Variants in SI observed in about 807,000 individuals in gnomAD.
SI encodes sucrase-isomaltase, also known as sucrase-isomaltase, intestinal.
Under a neutral mutation model 253.3 loss-of-function variants are expected in SI, and 235 were observed. The ratio of observed to expected loss-of-function variants is 0.93; its 90% CI spans 0.83 to 1.03. The LOEUF (loss-of-function observed/expected upper bound fraction) is 1.03. Ranked by LOEUF, SI falls within the 50% of genes least tolerant of loss-of-function variation. SI has a pLI of 0.00. For missense variants in SI, 2,442 were observed against 2,211.1 expected (o/e 1.10, Z -2.09); for synonymous variants, 819 against 712.0 (o/e 1.15, Z -2.39).
At chr3:165,048,722 A>G (rs886400885) in intron 15 of SI, among the ~76,000 whole-genome samples, 1 of 151,690 alleles carries the variant, frequency 6.6e-6, no homozygotes, top group African/African-American at 2.4e-5. Context: ...GGTTCAAACT[A>G]TTCTTCTGCC....
Position 165,075,898 on chromosome 3 carries a change from C to A in SI, c.115G>T (p.Asp39Tyr). 1 of 1,533,666 alleles carries A rather than the reference C, an allele frequency of 6.5e-7. No homozygotes were observed. Among genetic ancestry groups the A allele is most frequent in the Non-Finnish European group, 9.0e-7 (1 of 1,108,040 alleles). ...VVLATKTPAV[D>Y]EISDSTSTPA... The stretch of plus-strand genomic sequence containing the variant: ...ATGCTTTTAATGTACTACTTACCAT[C>A]AACAGCAGGTGTCTTAGTTGCTAAA... The change falls in exon 2 of 48, where the codon GAT becomes TAT. Residue 39 changes from aspartate to tyrosine, a missense_variant. Transcript: ENST00000264382.
chr3:164,987,271 CA>C, intron 44 of SI, 45 bp from the exon 45 acceptor site: 1 of 1,475,960 alleles, frequency 6.8e-7, no homozygotes, highest in Non-Finnish European at 9.5e-7. Flanking sequence ...TGTAGAATAG[CA>C]TATGTCTAGT....
At chr3:164,992,428 A>G in intron 41 of SI, 31 bp from the exon 42 acceptor site, 1 of 1,400,114 alleles carries the variant, frequency 7.1e-7, no homozygotes, top group East Asian at 2.3e-5. Flanking sequence ...TAATTAAATT[A>G]AAACAAATAA....
rs201151548 is a variant in SI, at chr3:165,006,968, A to G, written c.4268-14T>C. 711 of 1,560,306 alleles carry G rather than the reference A, an allele frequency of 4.6e-4. 4 individuals are homozygous for G. The East Asian group carries it at 0.015, about 34-fold the overall frequency. On this transcript the variant is annotated splice_polypyrimidine_tract_variant and intron_variant, in intron 36 of 47. Coordinates refer to ENST00000264382, the MANE Select transcript of SI (RefSeq NM_001041.4). ...TTTTTGTGAGTTCTGGAAAGAATCA[A>G]TGAAAAAATATTAATATATTATACA... is the stretch of plus-strand genomic sequence containing the variant.
rs112446029 is a variant in SI, at chr3:165,023,446, A to G, written c.3099+124T>C. The G allele has an allele frequency of 1.5e-3, 1,116 of 739,332 alleles. 10 individuals are homozygous for G. In the African/African-American group the frequency reaches 0.018, roughly 12 times the overall value. The allele number at this position is 739,332 out of a possible 1,614,324, so 45.8% of individuals were successfully genotyped here. ...TTGTGTAGGAAAAAATATTTTTATAAAATCAAAATATTATCAAATCTGTTA... is the reference window on the plus strand; with the variant it reads ...TTGTGTAGGAAAAAATATTTTTATAGAATCAAAATATTATCAAATCTGTTA... On this transcript the variant is annotated intron_variant, in intron 26 of 47. Transcript: ENST00000264382.
intron 36 of SI, among the ~76,000 whole-genome samples, chr3:165,007,208 T>C (rs1361285770): frequency 2.0e-5 from 3 of 152,228 alleles, no homozygotes; most frequent in East Asian, 3.9e-4. Flanking sequence ...TTCTAGTGCA[T>C]TTAGATGGAA....
At chr3:165,064,861 C>A (rs886168350) in intron 7 of SI, among the ~76,000 whole-genome samples, 3 of 151,890 alleles carry the variant, frequency 2.0e-5, no homozygotes, top group Admixed American at 2.0e-4. Flanking sequence ...GTAAGAAGGA[C>A]AGAGATGCGT....
chr3:164,999,397 T>G (rs2108140764), intron 37 of SI, among the ~76,000 whole-genome samples: 1 of 151,822 alleles, frequency 6.6e-6, no homozygotes, highest in Non-Finnish European at 1.5e-5. Context: ...TCCCTCTGCC[T>G]TTCTCTCTGA....
the SI span, among the ~76,000 whole-genome samples, chr3:165,084,751 T>G: frequency 2.0e-5 from 3 of 152,176 alleles, no homozygotes; most frequent in Admixed American, 1.3e-4. Context: ...GTGAAATATT[T>G]GTTCACATAT....
At chr3:165,023,423 G>A (rs983985563) in intron 26 of SI, 147 bp downstream of exon 26, 25 of 631,910 alleles carry the variant, frequency 4.0e-5, no homozygotes, top group Non-Finnish European at 6.1e-5. Flanking sequence ...GCTATGAGTT[G>A]TGTAGGAAAA....
intron 25 of SI, among the ~76,000 whole-genome samples, chr3:165,026,790 G>A (rs150769041): frequency 6.6e-6 from 1 of 151,054 alleles, no homozygotes; most frequent in African/African-American, 2.4e-5. Flanking sequence ...TAGTGACACA[G>A]CCTATCAAAA....
intron 37 of SI, among the ~76,000 whole-genome samples, chr3:165,001,447 T>C (rs1718251113): frequency 6.6e-6 from 1 of 151,444 alleles, no homozygotes; most frequent in Non-Finnish European, 1.5e-5. Context: ...GTAATATCTG[T>C]TTTAATTTTG....
intron 24 of SI, 67 bp downstream of exon 24, chr3:165,032,455 G>T: frequency 1.9e-6 from 2 of 1,079,086 alleles, no homozygotes; most frequent in Non-Finnish European, 1.4e-6. Context: ...ATAAGTGCCT[G>T]AATGGTTATA....
chr3:164,985,225 G>A (rs6793091), intron 45 of SI, among the ~76,000 whole-genome samples: 7,336 of 152,164 alleles, frequency 0.048, 604 homozygotes, highest in African/African-American at 0.17. Context: ...AGCTTTGTCT[G>A]CCTAACTGAT....
At chr3:165,082,813 C>A (rs1388864830), upstream of SI, among the ~76,000 whole-genome samples, 3 of 151,938 alleles carry the variant, frequency 2.0e-5, no homozygotes, top group Non-Finnish European at 4.4e-5. Context: ...CAGTCAAAGT[C>A]TATACAGAAC....
rs1039395284 is a variant in SI, at chr3:165,040,795, T to C, written c.2159+145A>G. Reference sequence around the variant, plus strand: ...TTAATTATATTTACTGGCATCATTATATAGCTCTTCAAATCATTTACACCA... The same window carrying C: ...TTAATTATATTTACTGGCATCATTACATAGCTCTTCAAATCATTTACACCA... On this transcript the variant is annotated intron_variant, in intron 18 of 47. Transcript: ENST00000264382. The C allele has an allele frequency of 1.7e-5, 11 of 642,938 alleles. No homozygotes were observed. In the Admixed American group the frequency reaches 2.3e-4, roughly 13 times the overall value. The allele number at this position is 642,938 out of a possible 1,614,324, so 39.8% of individuals were successfully genotyped here.
intron 44 of SI, among the ~76,000 whole-genome samples, chr3:164,988,970 T>A (rs949066857): frequency 2.6e-5 from 4 of 152,032 alleles, no homozygotes; most frequent in African/African-American, 9.7e-5. Flanking sequence ...CATCTTTATA[T>A]GGGACAAGGT....
At chr3:165,048,293 A>T (rs1438125774) in intron 15 of SI, among the ~76,000 whole-genome samples, 5 of 151,912 alleles carry the variant, frequency 3.3e-5, no homozygotes, top group African/African-American at 1.2e-4. Flanking sequence ...TGAACATATG[A>T]TTGTTTTCTT....
At chr3:165,000,677 A>G (rs957689685) in intron 37 of SI, among the ~76,000 whole-genome samples, 8 of 151,500 alleles carry the variant, frequency 5.3e-5, no homozygotes, top group Admixed American at 4.0e-4. Flanking sequence ...ACCCTCACAC[A>G]GAATATGTAT....
Sources: allele counts gnomAD v4.1 joint callset (sites outside exome capture counted in the v4.1 genomes callset), GRCh38; gene constraint gnomAD v4.1.1; transcripts MANE v1.5; gene names NCBI Gene and HGNC (gene_info 2026-07-23, HGNC 2026-07-21).